The following SV2C variants were observed in gnomAD, a reference collection of about 807,000 sequenced individuals.
The protein encoded by SV2C is solute carrier family 22 member B3.
SV2C carries 49 observed loss-of-function variants against 79.7 expected under a neutral mutation model. That is an observed-to-expected ratio of 0.61 (90% CI 0.49 to 0.78). The LOEUF (loss-of-function observed/expected upper bound fraction) is 0.78. Among genes scored for constraint, SV2C ranks in the 30% least tolerant of loss-of-function variants. The pLI, the probability that SV2C is intolerant of heterozygous loss-of-function variation, is 0.00. For synonymous variants in SV2C, 334 were observed against 333.2 expected (o/e 1.00, Z -0.03); for missense variants, 833 against 912.9 (o/e 0.91, Z 1.13).
At chr5:75,975,125 T>G in the SV2C span, among the ~76,000 whole-genome samples, 1 of 152,172 alleles carries the variant, frequency 6.6e-6, no homozygotes, top group Non-Finnish European at 1.5e-5. Context: ...CTTGACATAG[T>G]ACCACTGAAG....
chr5:75,957,043 C>T, the SV2C span, among the ~76,000 whole-genome samples: 1 of 151,902 alleles, frequency 6.6e-6, no homozygotes, highest in African/African-American at 2.4e-5. Context: ...GATTCATGAA[C>T]ACACTCCGTC....
chr5:75,900,002 G>T, the SV2C span, among the ~76,000 whole-genome samples: 34 of 152,130 alleles, frequency 2.2e-4, no homozygotes, highest in African/African-American at 8.2e-4. Context: ...CACACTGATG[G>T]GTCTTGACTC....
chr5:75,853,300 T>TA, the SV2C span, among the ~76,000 whole-genome samples: 1 of 152,112 alleles, frequency 6.6e-6, no homozygotes, highest in Non-Finnish European at 1.5e-5. Flanking sequence ...CTCACGCCTG[T>TA]AATCCCAGCA....
At chr5:76,005,742 T>C in the SV2C span, among the ~76,000 whole-genome samples, 8 of 152,194 alleles carry the variant, frequency 5.3e-5, no homozygotes, top group East Asian at 7.7e-4. Context: ...AATGAAACCA[T>C]GCAAGGATGA....
chr5:76,317,467 A>G (rs950062748), intron 12 of SV2C, among the ~76,000 whole-genome samples: 1 of 151,772 alleles, frequency 6.6e-6, no homozygotes, highest in African/African-American at 2.4e-5. Context: ...ACACACACAC[A>G]CTTTTACCCT....
At chr5:76,300,453 C>A (rs1561305597) in intron 10 of SV2C, among the ~76,000 whole-genome samples, 2 of 152,002 alleles carry the variant, frequency 1.3e-5, no homozygotes, top group Non-Finnish European at 2.9e-5. Flanking sequence ...TTAGCAATGG[C>A]CGACCATAGG....
chr5:75,901,853 G>A, the SV2C span, among the ~76,000 whole-genome samples: 13 of 152,362 alleles, frequency 8.5e-5, no homozygotes, highest in East Asian at 2.5e-3. Context: ...TGCTGTGCTA[G>A]CAATCAGTGA....
the SV2C span, among the ~76,000 whole-genome samples, chr5:75,963,827 T>G: frequency 6.6e-6 from 1 of 152,150 alleles, no homozygotes; most frequent in Non-Finnish European, 1.5e-5. Context: ...AGTTACTCTA[T>G]GTCTCTTAGT....
At chr5:76,351,820 C>A (rs1264073693) in intron 12 of SV2C, among the ~76,000 whole-genome samples, 1 of 152,210 alleles carries the variant, frequency 6.6e-6, no homozygotes, top group Non-Finnish European at 1.5e-5. Flanking sequence ...ACAAATTTCT[C>A]ACCCTCGCAT....
intron 1 of SV2C, among the ~76,000 whole-genome samples, chr5:76,093,166 CAG>C (rs983132883): frequency 6.6e-6 from 1 of 152,152 alleles, no homozygotes; most frequent in African/African-American, 2.4e-5. Context: ...CATCGAAAAT[CAG>C]AAAGAATATT....
intron 2 of SV2C, among the ~76,000 whole-genome samples, chr5:76,152,833 G>A (rs1034950844): frequency 6.6e-6 from 1 of 152,210 alleles, no homozygotes; most frequent in African/African-American, 2.4e-5. Flanking sequence ...GATGTAGGCA[G>A]TTATGTGGCT....
intron 4 of SV2C, among the ~76,000 whole-genome samples, chr5:76,223,724 C>T (rs1745160217): frequency 1.3e-5 from 2 of 151,962 alleles, no homozygotes; most frequent in South Asian, 4.2e-4. Context: ...AAATCAAGCT[C>T]TTCCAGCTTC....
At chr5:76,133,261 A>G (rs1158333360) in intron 2 of SV2C, among the ~76,000 whole-genome samples, 2 of 152,242 alleles carry the variant, frequency 1.3e-5, no homozygotes, top group Non-Finnish European at 2.9e-5. Context: ...GTTTATGTGC[A>G]TGTTAAATCT....
chr5:75,982,942 A>G, the SV2C span, among the ~76,000 whole-genome samples: 4 of 152,002 alleles, frequency 2.6e-5, no homozygotes, highest in East Asian at 5.8e-4. Flanking sequence ...AGAGGCGAAC[A>G]ACACACACTG....
rs1242770377 is a variant in SV2C, at chr5:76,130,802, TGAGAGGGA to T, written c.-101-834_-101-827del. On this transcript the variant is annotated intron_variant, in intron 1 of 12. Transcript: ENST00000502798. Reference sequence around the variant, plus strand: ...AACCAGAGTGGCAGGTGGGAGGATGTGAGAGGGAGAGAGGGAGAGAGAGAGAGTGTGTG... The same window carrying T: ...AACCAGAGTGGCAGGTGGGAGGATGTGAGAGGGAGAGAGAGAGAGTGTGTG... Among the ~76,000 whole-genome samples the T allele has an allele frequency of 6.6e-5, 10 of 151,826 alleles. No individual in the cohort carries two copies. In the South Asian group the frequency reaches 1.7e-3, roughly 25 times the overall value.
chr5:76,035,260 C>G, the SV2C span, among the ~76,000 whole-genome samples: 3 of 151,228 alleles, frequency 2.0e-5, no homozygotes, highest in East Asian at 5.8e-4. Context: ...TTCAGTTCTG[C>G]TCTGATCTTA....
At chr5:76,120,986 A>G (rs1279361856) in intron 1 of SV2C, among the ~76,000 whole-genome samples, 1 of 151,130 alleles carries the variant, frequency 6.6e-6, no homozygotes, top group East Asian at 1.9e-4. Context: ...TCCCACCAAC[A>G]GTGTAAAAGT....
At chr5:76,316,899 A>G (rs912881499) in intron 12 of SV2C, among the ~76,000 whole-genome samples, 30 of 152,030 alleles carry the variant, frequency 2.0e-4, no homozygotes, top group African/African-American at 7.0e-4. Context: ...TCAACATTGC[A>G]CTCAGCATGT....
chr5:75,938,633 G>T, the SV2C span, among the ~76,000 whole-genome samples: 2 of 152,296 alleles, frequency 1.3e-5, no homozygotes, highest in Non-Finnish European at 2.9e-5. Flanking sequence ...GGCAGTAATT[G>T]TCATTGGCAG....
Sources: gnomAD v4.1 joint callset for allele counts (sites outside exome capture counted in the v4.1 genomes callset) on GRCh38, gnomAD v4.1.1 for gene constraint, MANE v1.5 for transcripts, NCBI Gene and HGNC (gene_info 2026-07-23, HGNC 2026-07-21) for gene names.